The following CNGB1 variants were observed in gnomAD, a reference collection of about 807,000 sequenced individuals.
CNGB1 encodes cyclic nucleotide gated channel subunit beta 1, also known as cyclic nucleotide-gated channel beta-1.
Under a neutral mutation model 151.7 loss-of-function variants are expected in CNGB1, and 126 were observed. That is an observed-to-expected ratio of 0.83 (90% CI 0.72 to 0.96). CNGB1 has a LOEUF of 0.96. Among genes scored for constraint, CNGB1 ranks in the 40% least tolerant of loss-of-function variants. The pLI is 0.00. For missense variants in CNGB1, 1,698 were observed against 1,627.0 expected (o/e 1.04, Z -0.75); for synonymous variants, 623 against 635.1 (o/e 0.98, Z 0.29).
chr16:57,924,416 C>T (rs2149368497), intron 17 of CNGB1, among the ~76,000 whole-genome samples: 1 of 152,192 alleles, frequency 6.6e-6, no homozygotes, highest in East Asian at 1.9e-4. Flanking sequence ...CCGCCCAGGC[C>T]AATATCTACC....
At chr16:57,898,089 C>T (rs1960284103) in intron 29 of CNGB1, among the ~76,000 whole-genome samples, 175 bp from the exon 30 acceptor site, 1 of 152,184 alleles carries the variant, frequency 6.6e-6, no homozygotes, top group Non-Finnish European at 1.5e-5. Context: ...TCTCAGGCCT[C>T]AGTCACCCCA....
chr16:57,965,207 A>G (rs953119122), intron 2 of CNGB1, among the ~76,000 whole-genome samples: 4 of 138,206 alleles, frequency 2.9e-5, no homozygotes, highest in Non-Finnish European at 4.7e-5. Context: ...ACAATGACAC[A>G]CAAATACCAA....
chr16:57,968,880 A>AG (rs2149391026), intron 1 of CNGB1, among the ~76,000 whole-genome samples: 1 of 151,686 alleles, frequency 6.6e-6, no homozygotes, highest in East Asian at 1.9e-4. Context: ...AAAAAAAAAA[A>AG]AAAAGCCTGT....
Position 57,950,400 on chromosome 16 carries a change from C to A in CNGB1, c.1015G>T (p.Ala339Ser). 6.2e-7 allele frequency: 1 copy of A among 1,614,270 alleles called. No individual in the cohort carries two copies. The highest frequency in any genetic ancestry group is 2.2e-5 in the East Asian group (1 of 44,890). ...VVPAYEEENK[A>S]VEKMPRELSR... ...CCCCACCTGGGCATCTTCTCCACAG[C>A]TTTGTTCTCTTCTTCATAAGCTGGA... The change falls in exon 13 of 33, where the codon GCT (alanine) becomes TCT (serine). Residue 339 changes from alanine to serine, a missense_variant. Physicochemically the swap from Ala to Ser is moderately conservative, Grantham distance 99. Coordinates refer to ENST00000251102, the MANE Select transcript of CNGB1 (RefSeq NM_001297.5).
chr16:57,886,360 T>G (rs879660744), intron 32 of CNGB1, among the ~76,000 whole-genome samples: 3 of 152,238 alleles, frequency 2.0e-5, no homozygotes, highest in Non-Finnish European at 4.4e-5. Flanking sequence ...CTTGGTGTAC[T>G]GGGAGCACCC....
At chr16:57,918,006 G>T (rs574758198) in intron 20 of CNGB1, among the ~76,000 whole-genome samples, 1 of 151,892 alleles carries the variant, frequency 6.6e-6, no homozygotes, top group African/African-American at 2.4e-5. Flanking sequence ...ATGCATGAAG[G>T]ATGGACAGAT....
At chr16:57,918,906 G>C (rs552254791) in intron 20 of CNGB1, among the ~76,000 whole-genome samples, 193 bp downstream of exon 20, 1 of 152,254 alleles carries the variant, frequency 6.6e-6, no homozygotes, top group East Asian at 1.9e-4. Context: ...CGTCATGTTA[G>C]CCAGGCTGGG....
intron 27 of CNGB1, among the ~76,000 whole-genome samples, chr16:57,902,236 A>G (rs1960411602): frequency 6.6e-6 from 1 of 151,266 alleles, no homozygotes; most frequent in Admixed American, 6.6e-5. Flanking sequence ...ACGCGGGCTA[A>G]TTTTTTGTAT....
At chr16:57,948,928 C>T (rs568216612) in intron 14 of CNGB1, among the ~76,000 whole-genome samples, 30 of 152,238 alleles carry the variant, frequency 2.0e-4, no homozygotes, top group African/African-American at 7.0e-4. Context: ...TCAAAGGCAA[C>T]CAAGGTGGGT....
At chr16:57,964,306 G>T (rs1962334472) in intron 3 of CNGB1, 104 bp from the exon 4 acceptor site, 7 of 1,410,020 alleles carry the variant, frequency 5.0e-6, no homozygotes, top group Non-Finnish European at 7.0e-6. Context: ...ACCCCCAGGG[G>T]TCAGAAAGCC....
intron 23 of CNGB1, among the ~76,000 whole-genome samples, chr16:57,914,257 A>G (rs1248659682): frequency 6.6e-6 from 1 of 152,104 alleles, no homozygotes; most frequent in Non-Finnish European, 1.5e-5. Flanking sequence ...TGTGGACCCA[A>G]CCTTCCTCAC....
intron 31 of CNGB1, among the ~76,000 whole-genome samples, chr16:57,891,080 C>G (rs1196914937): frequency 2.6e-5 from 4 of 152,190 alleles, no homozygotes; most frequent in African/African-American, 7.2e-5. Context: ...TTGCCAAACT[C>G]TTGCCTAACC....
In CNGB1 at chr16:57,883,256, CCTTT is replaced by C. The variant is rs866017919; in HGVS notation, c.*904_*907del. 16,360 of 130,058 alleles carry C rather than the reference CCTTT, an allele frequency of 0.13. 1,232 individuals carry two copies. Among genetic ancestry groups the C allele is most frequent in the Middle Eastern group, 0.23 (56 of 240 alleles). The allele number at this position is 130,058 out of a possible 1,614,324, so 8.1% of individuals were successfully genotyped here. A position where few individuals can be genotyped will look rare whatever the true frequency, so the allele number is the denominator to read the frequency against. ...TCAGCTGAACAGCTCGGGCTGCCCT[CCTTT>C]CTTTGTTTTTTTGTTTGTGTACGTT... On this transcript the variant is annotated 3_prime_UTR_variant, in exon 33 of 33. Coordinates refer to ENST00000251102, the MANE Select transcript of CNGB1 (RefSeq NM_001297.5).
At chr16:57,913,264 G>A (rs1159055124) in intron 23 of CNGB1, among the ~76,000 whole-genome samples, 1 of 152,122 alleles carries the variant, frequency 6.6e-6, no homozygotes, top group Non-Finnish European at 1.5e-5. Context: ...GGGACTCCTG[G>A]ACCCTCTGAA....
Position 57,882,991 on chromosome 16 carries a change from A to T in CNGB1, c.*1173T>A, listed in dbSNP as rs1788274691. 6.6e-6 allele frequency: 1 copy of T among 152,130 alleles called. No individual in the cohort carries two copies. Among genetic ancestry groups the T allele is most frequent in the Admixed American group, 6.5e-5 (1 of 15,280 alleles). The allele number at this position is 152,130 out of a possible 1,614,324, so 9.4% of individuals were successfully genotyped here. A position where few individuals can be genotyped will look rare whatever the true frequency, so the allele number is the denominator to read the frequency against. ...CTGCTGGCGAATGGGGTTTCTCAGG[A>T]TGACAGGCAGAGGATGCTCCTACCG... On this transcript the variant is annotated 3_prime_UTR_variant, in exon 33 of 33. Transcript: ENST00000251102.
intron 10 of CNGB1, 75 bp from the exon 11 acceptor site, chr16:57,958,560 C>A: frequency 3.0e-6 from 4 of 1,354,246 alleles, no homozygotes; most frequent in Non-Finnish European, 4.2e-6. Flanking sequence ...TCAGCTCGTT[C>A]CCAAGGCAGA....
In CNGB1 at chr16:57,950,363, T is replaced by C; in HGVS notation, c.1034+18A>G. 1 of 1,614,058 alleles carries C rather than the reference T, an allele frequency of 6.2e-7. No homozygotes were observed. The highest frequency in any genetic ancestry group is 1.3e-5 in the African/African-American group (1 of 75,030). ...TCAAACAATAACTAATCTTTTAGGG[T>C]CTTCTCAGACTCCCCACCTGGGCAT... On this transcript the variant is annotated intron_variant, in intron 13 of 32. Transcript: ENST00000251102.
At position 57,957,369 on chromosome 16, in the gene CNGB1, G is replaced by T. The variant is rs990450064; in HGVS notation, c.846C>A (p.Asp282Glu). 1 of 1,613,780 alleles carries T rather than the reference G, an allele frequency of 6.2e-7. No individual in the cohort carries two copies. The highest frequency in any genetic ancestry group is 1.3e-5 in the African/African-American group (1 of 74,938). ...LHGKIGEQEPDSPGICDVQTI... is the reference protein window; with the variant it reads ...LHGKIGEQEPESPGICDVQTI... ...TCTGCACATCACATATCCCAGGGGA[G>T]TCAGGCTCCTGCATGGAGAGAGAAA... Residue 282 changes from aspartate to glutamate, a missense_variant, in exon 12 of 33, where the codon GAC becomes GAA. Physicochemically the swap from Asp to Glu is conservative, Grantham distance 45. Coordinates refer to ENST00000251102, the MANE Select transcript of CNGB1 (RefSeq NM_001297.5).
intron 12 of CNGB1, chr16:57,955,333 C>T: frequency 6.4e-7 from 1 of 1,551,884 alleles, no homozygotes; most frequent in Non-Finnish European, 8.7e-7. Flanking sequence ...AGATTCCCTT[C>T]TCCCTTATTT....
Sources: gnomAD v4.1 joint callset for allele counts (sites outside exome capture counted in the v4.1 genomes callset) on GRCh38, gnomAD v4.1.1 for gene constraint, MANE v1.5 for transcripts, NCBI Gene and HGNC (gene_info 2026-07-23, HGNC 2026-07-21) for gene names.